Variants in CAPN2 observed in about 807,000 individuals in gnomAD.
CAPN2 encodes the protein calpain 2.
In CAPN2, 92 loss-of-function variants were observed where a neutral mutation model predicts 102.3. The ratio of observed to expected loss-of-function variants is 0.90; its 90% confidence interval spans 0.76 to 1.07. The LOEUF (loss-of-function observed/expected upper bound fraction) is 1.07. CAPN2 is among the 50% of genes least tolerant of loss of function. CAPN2 has a pLI of 0.00. For missense variants in CAPN2, 800 were observed against 909.4 expected, an observed-to-expected ratio of 0.88 and a Z score of 1.55; for synonymous variants, 340 against 355.4, an observed-to-expected ratio of 0.96 and a Z score of 0.49.
chr1:223,757,588 TGGGACCC>T, intron 11 of CAPN2: 1 of 576,154 alleles, frequency 1.7e-6, no homozygotes. Context: ...AAAGTCCTTG[TGGGACCC>T]GCTGCCTCCC....
chr1:223,739,322 T>C (rs989792412), intron 2 of CAPN2, among the ~76,000 whole-genome samples: 3 of 151,992 alleles, frequency 2.0e-5, no homozygotes, highest in East Asian at 1.9e-4. Context: ...TAGCTGGGAC[T>C]ACAGGCGCGT....
chr1:223,771,559 GA>G (rs1661470717), intron 18 of CAPN2: 1 of 449,514 alleles, frequency 2.2e-6, no homozygotes, highest in African/African-American at 2.0e-5. Flanking sequence ...CATGAGAACA[GA>G]AACAGGCAAG....
intron 2 of CAPN2, among the ~76,000 whole-genome samples, chr1:223,736,524 A>G (rs368676014): frequency 5.9e-5 from 9 of 152,180 alleles, no homozygotes; most frequent in East Asian, 3.9e-4. Context: ...AACCTAACCA[A>G]AAGATACAGG....
At chr1:223,708,445 C>A (rs1005245944), upstream of CAPN2, among the ~76,000 whole-genome samples, 2 of 148,286 alleles carry the variant, frequency 1.3e-5, no homozygotes, top group African/African-American at 5.0e-5. Context: ...AAAATCCAGA[C>A]TTTTATAAAG....
chr1:223,772,834 A>G (rs1153947), intron 20 of CAPN2: 20,471 of 152,242 alleles, frequency 0.13, 1,924 homozygotes, highest in African/African-American at 0.25. Context: ...CAAAGCGTAA[A>G]ATGTTCTCGT....
Position 223,712,562 on chromosome 1 carries a change from C to T in CAPN2, c.-79C>T. ...GCAGTGGCCGCAGCAGCGCGCCGGGCCCTGGCCGCGCCCCAGCCGAGCGCA... is the reference window on the plus strand; with the variant it reads ...GCAGTGGCCGCAGCAGCGCGCCGGGTCCTGGCCGCGCCCCAGCCGAGCGCA... On this transcript the variant is annotated 5_prime_UTR_variant, in exon 1 of 21. Coordinates refer to ENST00000295006, the MANE Select transcript of CAPN2 (RefSeq NM_001748.5). The T allele has an allele frequency of 7.5e-7, 1 of 1,337,866 alleles. No individual in the cohort carries two copies. The highest frequency in any genetic ancestry group is 2.0e-5 in the South Asian group (1 of 50,490). 82.9% of individuals were successfully genotyped at this position (1,337,866 alleles called of 1,614,324 possible). A position where few individuals can be genotyped will look rare whatever the true frequency, so the allele number is the denominator to read the frequency against.
intron 2 of CAPN2, among the ~76,000 whole-genome samples, chr1:223,743,568 T>C (rs1660677977): frequency 6.6e-6 from 1 of 152,222 alleles, no homozygotes; most frequent in Admixed American, 6.5e-5. Flanking sequence ...CATGGCTCAC[T>C]GCAGCCTTGA....
In CAPN2 at chr1:223,759,053, A is replaced by C. The variant is rs1285983135; in HGVS notation, c.1318-217A>C. 5.2e-6 allele frequency: 3 copies of C among 580,352 alleles called. No homozygotes were observed. The highest frequency in any genetic ancestry group is 1.9e-5 in the African/African-American group (1 of 53,382). 36.0% of individuals were successfully genotyped at this position (580,352 alleles called of 1,614,324 possible). ...CACTGTACTGCTATTTTTTTAAAAA[A>C]ATTTTGTTGTTTTGTTGTTGTTGTC... On this transcript the variant is annotated intron_variant, in intron 11 of 20. Coordinates refer to ENST00000295006, the MANE Select transcript of CAPN2 (RefSeq NM_001748.5). The surrounding 1 kb of genome is among the most constrained non-coding windows in gnomAD (Gnocchi z 4.6).
At position 223,745,450 on chromosome 1, in the gene CAPN2, A is replaced by G; in HGVS notation, c.560+11A>G. The G allele has an allele frequency of 6.2e-7, 1 of 1,614,154 alleles. No individual in the cohort carries two copies. The highest frequency in any genetic ancestry group is 8.5e-7 in the Non-Finnish European group (1 of 1,180,000). On this transcript the variant is annotated intron_variant, in intron 4 of 20. Transcript: ENST00000295006. The stretch of plus-strand genomic sequence containing the variant: ...GAAGGCATACGCCAAGTAAGTTGCC[A>G]TCCTCCCCTGGCCCCATGGCCTTCC...
At chr1:223,710,830 C>G (rs28739570), upstream of CAPN2, among the ~76,000 whole-genome samples, 1 of 150,048 alleles carries the variant, frequency 6.7e-6, no homozygotes, top group Non-Finnish European at 1.5e-5. Context: ...CACCACCCCC[C>G]GCCACTTTGA....
intron 1 of CAPN2, among the ~76,000 whole-genome samples, chr1:223,703,611 C>G (rs568027385): frequency 6.6e-6 from 1 of 152,232 alleles, no homozygotes; most frequent in Admixed American, 6.5e-5. Context: ...ATCCTCCTAC[C>G]ACACCGCCTT....
intron 5 of CAPN2, among the ~76,000 whole-genome samples, chr1:223,747,438 G>C (rs1289562500): frequency 1.3e-5 from 2 of 152,170 alleles, no homozygotes; most frequent in Non-Finnish European, 2.9e-5. Context: ...GGATACAGAG[G>C]GTTATATTCC....
chr1:223,740,474 C>T (rs1026550339), intron 2 of CAPN2, among the ~76,000 whole-genome samples: 1 of 152,158 alleles, frequency 6.6e-6, no homozygotes, highest in Non-Finnish European at 1.5e-5. Context: ...TGTATTTGTC[C>T]CGATTGGCTA....
chr1:223,712,719 T>C lies in CAPN2; in HGVS notation c.79T>C (p.Tyr27His), dbSNP rs775677509. The change falls in exon 1 of 21, where the codon TAC becomes CAC. Residue 27 changes from tyrosine (Y) to histidine (H), a missense_variant. Transcript: ENST00000295006. The stretch of plus-strand genomic sequence containing the variant: ...GGGCTCCCACGACAGGGCCATCAAG[T>C]ACCTCAACCAGGACTACGAGGCGCT... ...GLGSHDRAIK[Y>H]LNQDYEALRN... 1.9e-6 allele frequency: 3 copies of C among 1,585,348 alleles called. No individual in the cohort carries two copies. The highest frequency in any genetic ancestry group is 2.6e-6 in the Non-Finnish European group (3 of 1,168,040).
intron 1 of CAPN2, among the ~76,000 whole-genome samples, chr1:223,705,936 G>T (rs1659593563): frequency 6.9e-6 from 1 of 145,214 alleles, no homozygotes; most frequent in Non-Finnish European, 1.5e-5. Context: ...TTTAAGAGAT[G>T]GGAGAATGGA....
At chr1:223,738,016 C>T (rs934409425) in intron 2 of CAPN2, among the ~76,000 whole-genome samples, 1 of 152,084 alleles carries the variant, frequency 6.6e-6, no homozygotes, top group South Asian at 2.1e-4. Context: ...GTTTTAATTG[C>T]TGTAGCTTTT....
chr1:223,753,311 G>A (rs959822894), intron 9 of CAPN2, among the ~76,000 whole-genome samples: 1 of 152,180 alleles, frequency 6.6e-6, no homozygotes, highest in African/African-American at 2.4e-5. Context: ...ACGGCCATGA[G>A]CTGCTCTATG....
chr1:223,767,410 A>G (rs1429186192), intron 16 of CAPN2, among the ~76,000 whole-genome samples: 6 of 133,032 alleles, frequency 4.5e-5, no homozygotes, highest in Admixed American at 8.5e-5. Context: ...TCATTGTTCA[A>G]TTCCCACCTA....
chr1:223,745,467 T>A, intron 4 of CAPN2, 28 bp downstream of exon 4: 1 of 1,613,794 alleles, frequency 6.2e-7, no homozygotes. Flanking sequence ...CCTGGCCCCA[T>A]GGCCTTCCCC....
Sources: allele counts gnomAD v4.1 joint callset (sites outside exome capture counted in the v4.1 genomes callset), GRCh38; gene constraint gnomAD v4.1.1; non-coding constraint Gnocchi (gnomAD v3.1); transcripts MANE v1.5; gene names NCBI Gene and HGNC (gene_info 2026-07-23, HGNC 2026-07-21).